TCF7L1: variants seen among roughly 807,000 people sequenced by gnomAD.
TCF7L1 encodes transcription factor 7 like 1, also known as transcription factor 7-like 1.
Under a neutral mutation model 63.7 loss-of-function variants are expected in TCF7L1, and 18 were observed. The observed-to-expected ratio is 0.28, with a 90% CI of 0.20 to 0.42. TCF7L1 has a LOEUF of 0.42. Among genes scored for constraint, TCF7L1 ranks in the 10% least tolerant of loss-of-function variants. The pLI is 1.00. For missense variants in TCF7L1, 654 were observed against 779.3 expected, an observed-to-expected ratio of 0.84 and a Z score of 1.91; for synonymous variants, 355 against 340.9, an observed-to-expected ratio of 1.04 and a Z score of -0.46.
chr2:85,219,282 C>T (rs1679787776), intron 3 of TCF7L1, among the ~76,000 whole-genome samples: 1 of 151,970 alleles, frequency 6.6e-6, no homozygotes, highest in Non-Finnish European at 1.5e-5. Context: ...CTGGTGTTGG[C>T]GAGGATGTTT....
intron 3 of TCF7L1, among the ~76,000 whole-genome samples, chr2:85,251,261 C>T (rs138325334): frequency 3.5e-4 from 53 of 152,308 alleles, no homozygotes; most frequent in African/African-American, 1.2e-3. Flanking sequence ...AAGAATAGGT[C>T]AGTGGACCAA....
chr2:85,282,778 CAGAG>C (rs144727177), intron 3 of TCF7L1, among the ~76,000 whole-genome samples: 1 of 106,180 alleles, frequency 9.4e-6, no homozygotes, highest in African/African-American at 3.7e-5. Context: ...TGTGCCATGC[CAGAG>C]AGAGAGAGAG....
At chr2:85,307,202 G>A (rs1489226580) in intron 10 of TCF7L1, among the ~76,000 whole-genome samples, 2 of 152,130 alleles carry the variant, frequency 1.3e-5, no homozygotes, top group Non-Finnish European at 2.9e-5. Flanking sequence ...CAGTGTGTGA[G>A]CCTCAGGGGG....
At position 85,283,528 on chromosome 2, in the gene TCF7L1, C is replaced by T. The variant is rs376967447; in HGVS notation, c.475C>T (p.Pro159Ser). ...GATGAAATGGCCCCTCCTCGATGTCCCCTCCAGCGCCACAGTCAAGGACAC... is the reference window on the plus strand; with the variant it reads ...GATGAAATGGCCCCTCCTCGATGTCTCCTCCAGCGCCACAGTCAAGGACAC... ...LQMKWPLLDV[P>S]SSATVKDTRS... Residue 159 changes from proline (P) to serine (S), a missense_variant, in exon 4 of 12, where the codon CCC becomes TCC. Physicochemically the swap from Pro to Ser is moderately conservative, Grantham distance 74 (BLOSUM62 -1). Around this residue, in one of 3 missense-constraint regions of TCF7L1, gnomAD observed 404 missense variants for 454.8 expected, o/e 0.89. Transcript: ENST00000282111. 1.7e-5 allele frequency: 27 copies of T among 1,614,030 alleles called. No homozygotes were observed. In the African/African-American group the frequency reaches 3.2e-4, roughly 19 times the overall value.
chr2:85,206,317 G>C (rs919323330), intron 3 of TCF7L1, among the ~76,000 whole-genome samples: 1 of 152,254 alleles, frequency 6.6e-6, no homozygotes, highest in African/African-American at 2.4e-5. Context: ...CAGTCACTCT[G>C]TGGGGCTGTT....
chr2:85,302,685 A>T lies in TCF7L1; in HGVS notation c.658+69A>T, dbSNP rs1682012523. ...GGCTTCTCTTTTGTGGGAACATAACAGCCCTTGAATCAGGCTGACCTGGGT... is the reference window on the plus strand; with the variant it reads ...GGCTTCTCTTTTGTGGGAACATAACTGCCCTTGAATCAGGCTGACCTGGGT... On this transcript the variant is annotated intron_variant, in intron 5 of 11. Transcript: ENST00000282111. 8.4e-6 allele frequency: 13 copies of T among 1,554,190 alleles called. No individual in the cohort carries two copies. The South Asian group carries it at 1.6e-4, about 19-fold the overall frequency.
intron 3 of TCF7L1, among the ~76,000 whole-genome samples, chr2:85,206,869 A>G (rs1380776469): frequency 2.6e-5 from 4 of 152,246 alleles, no homozygotes; most frequent in East Asian, 1.9e-4. Context: ...AGATAATCCA[A>G]TCTTTTAAGG....
intron 3 of TCF7L1, among the ~76,000 whole-genome samples, chr2:85,144,584 A>C (rs1243322472): frequency 6.6e-6 from 1 of 152,058 alleles, no homozygotes; most frequent in East Asian, 1.9e-4. Context: ...CCTGGGTGAC[A>C]GAGTAAGACC....
intron 3 of TCF7L1, among the ~76,000 whole-genome samples, chr2:85,191,585 C>T (rs900596801): frequency 2.0e-5 from 3 of 152,046 alleles, no homozygotes; most frequent in African/African-American, 7.2e-5. Flanking sequence ...CCAGCACTTT[C>T]GGAGGCTGAG....
At chr2:85,189,029 C>T (rs754460284) in intron 3 of TCF7L1, among the ~76,000 whole-genome samples, 1 of 152,172 alleles carries the variant, frequency 6.6e-6, no homozygotes, top group Non-Finnish European at 1.5e-5. Flanking sequence ...AGAGCATCGT[C>T]CCTTCCAAAG....
intron 3 of TCF7L1, among the ~76,000 whole-genome samples, chr2:85,261,137 T>G (rs1382886724): frequency 6.7e-6 from 1 of 148,436 alleles, no homozygotes; most frequent in Non-Finnish European, 1.5e-5. Flanking sequence ...TGTGTGTGTG[T>G]GTGTGTGTGT....
At chr2:85,135,182 C>A (rs1677562432) in intron 3 of TCF7L1, among the ~76,000 whole-genome samples, 1 of 152,182 alleles carries the variant, frequency 6.6e-6, no homozygotes, top group East Asian at 1.9e-4. Context: ...GGGCCCCAGA[C>A]GACGTGCAAA....
intron 3 of TCF7L1, among the ~76,000 whole-genome samples, chr2:85,170,325 T>C (rs1340310847): frequency 6.6e-6 from 1 of 152,124 alleles, no homozygotes; most frequent in Non-Finnish European, 1.5e-5. Flanking sequence ...CTTTGTAAAA[T>C]CAAGTCAATT....
chr2:85,183,492 C>T (rs981387870), intron 3 of TCF7L1, among the ~76,000 whole-genome samples: 11 of 152,174 alleles, frequency 7.2e-5, no homozygotes, highest in African/African-American at 2.7e-4. Context: ...TTTGACATGT[C>T]TTTCTTGGTG....
At chr2:85,221,945 A>G (rs1679848241) in intron 3 of TCF7L1, among the ~76,000 whole-genome samples, 1 of 151,780 alleles carries the variant, frequency 6.6e-6, no homozygotes, top group Non-Finnish European at 1.5e-5. Context: ...AAAAAAAAAA[A>G]CTACAGGAAC....
chr2:85,302,920 C>T (rs1178403782), intron 5 of TCF7L1, among the ~76,000 whole-genome samples: 1 of 151,992 alleles, frequency 6.6e-6, no homozygotes, highest in African/African-American at 2.4e-5. Flanking sequence ...AGCTGTGGGC[C>T]GTGCTTCCCT....
chr2:85,215,767 T>TGG (rs1380022989), intron 3 of TCF7L1, among the ~76,000 whole-genome samples: 2 of 15,292 alleles, frequency 1.3e-4, no homozygotes, highest in Non-Finnish European at 2.8e-4. Context: ...GGGGTGGGGG[T>TGG]GGGGGGGGGT....
rs66697146 is a variant in TCF7L1 at position 85,153,340 on chromosome 2, A to ATTT, written c.441+18907_441+18909dup. 7.8e-5 allele frequency among the ~76,000 whole-genome samples: 8 copies of ATTT among 102,268 alleles called. 1 individual carries two copies. Among genetic ancestry groups the ATTT allele is most frequent in the Admixed American group, 1.2e-4 (1 of 8,380 alleles). 67.1% of individuals were successfully genotyped at this position (102,268 alleles called of 152,430 possible). On this transcript the variant is annotated intron_variant, in intron 3 of 11. Transcript: ENST00000282111. ...TTCATGATCTTGCTAGCCTTTATAA[A>ATTT]TTTTTTTTTTTTTTTTTTTGAGATG...
chr2:85,229,946 T>C (rs1218623698), intron 3 of TCF7L1, among the ~76,000 whole-genome samples: 1 of 152,198 alleles, frequency 6.6e-6, no homozygotes, highest in African/African-American at 2.4e-5. Context: ...AGGTCAAGGC[T>C]GCAATGAGCT....
Sources: allele counts gnomAD v4.1 joint callset (sites outside exome capture counted in the v4.1 genomes callset), GRCh38; gene constraint gnomAD v4.1.1; regional missense constraint gnomAD v4.1.1; transcripts MANE v1.5; gene names NCBI Gene and HGNC (gene_info 2026-07-23, HGNC 2026-07-21).